The following PCNX2 variants were observed in gnomAD, a reference collection of about 807,000 sequenced individuals.
PCNX2 encodes pecanex-like protein 2.
A neutral mutation model predicts 223.8 loss-of-function variants in PCNX2; 168 were observed. The observed-to-expected ratio is 0.75, with a 90% CI of 0.66 to 0.85. The LOEUF is 0.85. Among genes scored for constraint, PCNX2 ranks in the 40% least tolerant of loss-of-function variants. The probability of loss-of-function intolerance (pLI) is 0.00; values close to 1 mark genes in which losing one functional copy is unlikely to be tolerated. For missense variants in PCNX2, 2,507 were observed against 2,675.5 expected, an observed-to-expected ratio of 0.94 and a Z score of 1.39; for synonymous variants, 1,006 against 1,052.6, an observed-to-expected ratio of 0.96 and a Z score of 0.86.
chr1:233,313,891 G>A, the PCNX2 span, among the ~76,000 whole-genome samples: 1 of 152,218 alleles, frequency 6.6e-6, no homozygotes, highest in Non-Finnish European at 1.5e-5. Context: ...TTGCTGTGTT[G>A]AGAAAGGTGC....
chr1:233,139,360 A>G lies in PCNX2; in HGVS notation c.3659+354T>C, dbSNP rs996525351. 4.6e-5 allele frequency among the ~76,000 whole-genome samples: 7 copies of G among 152,208 alleles called. No homozygotes were observed. The highest frequency in any genetic ancestry group is 1.4e-4 in the African/African-American group (6 of 41,452). On this transcript the variant is annotated intron_variant, in intron 20 of 33. Transcript: ENST00000258229. This position sits in a 1 kb window ranked among gnomAD's most constrained non-coding sequence, Gnocchi z 4.4. The stretch of plus-strand genomic sequence containing the variant: ...TTTGCTAAATGAAATGACATGAAGC[A>G]GTTCATAAAGCTCTAAGCATGATGT...
At chr1:233,115,885 CA>C (rs1675378737) in intron 21 of PCNX2, among the ~76,000 whole-genome samples, 1 of 150,542 alleles carries the variant, frequency 6.6e-6, no homozygotes, top group Non-Finnish European at 1.5e-5. Flanking sequence ...GAATAACAAC[CA>C]TAACTCAACT....
intron 9 of PCNX2, among the ~76,000 whole-genome samples, chr1:233,231,861 C>G (rs1658082263): frequency 6.6e-6 from 1 of 152,200 alleles, no homozygotes; most frequent in African/African-American, 2.4e-5. Flanking sequence ...GGAAGGAACA[C>G]TGGGTCAGGG....
At chr1:233,163,248 G>A (rs1213502626) in intron 17 of PCNX2, among the ~76,000 whole-genome samples, 1 of 152,178 alleles carries the variant, frequency 6.6e-6, no homozygotes, top group East Asian at 1.9e-4. Flanking sequence ...CACTTTAGGA[G>A]GCCAAGACAG....
chr1:233,046,963 C>T (rs1359767999), intron 25 of PCNX2, among the ~76,000 whole-genome samples: 1 of 152,188 alleles, frequency 6.6e-6, no homozygotes, highest in Non-Finnish European at 1.5e-5. Flanking sequence ...GGAAGCTGGG[C>T]TGTAAGAATC....
chr1:233,326,487 C>T, the PCNX2 span, among the ~76,000 whole-genome samples: 45 of 152,228 alleles, frequency 3.0e-4, no homozygotes, highest in African/African-American at 1.0e-3. Flanking sequence ...TTCCTAAAAA[C>T]CCTATAAAGT....
chr1:233,048,582 T>G (rs1303688025), intron 25 of PCNX2, among the ~76,000 whole-genome samples: 2 of 152,154 alleles, frequency 1.3e-5, no homozygotes, highest in Non-Finnish European at 2.9e-5. Flanking sequence ...AATTTAATGA[T>G]GTAACATCAC....
chr1:233,173,243 T>C lies in PCNX2; in HGVS notation c.3273+4559A>G, dbSNP rs141119420. ...CTGGAATGCAGTGGCGCGATCTCGCTGCAACCTCCACCTCCCGGGTTCAAG... is the reference window on the plus strand; with the variant it reads ...CTGGAATGCAGTGGCGCGATCTCGCCGCAACCTCCACCTCCCGGGTTCAAG... On this transcript the variant is annotated intron_variant, in intron 17 of 33. Coordinates refer to ENST00000258229, the MANE Select transcript of PCNX2 (RefSeq NM_014801.4). Among the ~76,000 whole-genome samples, 667 of 152,134 alleles carry C rather than the reference T, an allele frequency of 4.4e-3. 5 individuals carry two copies. The highest frequency in any genetic ancestry group is 0.016 in the African/African-American group (646 of 41,502).
intron 13 of PCNX2, among the ~76,000 whole-genome samples, chr1:233,200,765 T>A (rs1681039304): frequency 6.6e-6 from 1 of 151,792 alleles, no homozygotes; most frequent in Admixed American, 6.6e-5. Flanking sequence ...CTCACACCTG[T>A]AATTCCAGCA....
chr1:233,075,699 A>T (rs1377413058), intron 23 of PCNX2, among the ~76,000 whole-genome samples: 3 of 107,534 alleles, frequency 2.8e-5, no homozygotes, highest in Non-Finnish European at 6.0e-5. Flanking sequence ...AGCTTAAAAC[A>T]CACACACACA....
the PCNX2 span, among the ~76,000 whole-genome samples, chr1:233,305,992 T>C: frequency 6.6e-6 from 1 of 152,198 alleles, no homozygotes; most frequent in African/African-American, 2.4e-5. Flanking sequence ...AAAAACATGA[T>C]CAAATGCTAG....
At chr1:233,217,768 T>A in intron 12 of PCNX2, 131 bp downstream of exon 12, 10 of 862,868 alleles carry the variant, frequency 1.2e-5, no homozygotes, top group East Asian at 5.7e-5. Context: ...ATATATATAT[T>A]TGATATTTCT....
intron 2 of PCNX2, among the ~76,000 whole-genome samples, chr1:233,262,550 T>G (rs890217121): frequency 4.6e-5 from 7 of 152,230 alleles, no homozygotes; most frequent in African/African-American, 1.7e-4. Context: ...AAAAGAATGC[T>G]AACTCAAGAA....
chr1:233,059,087 T>C (rs1292436082), intron 23 of PCNX2, among the ~76,000 whole-genome samples: 1 of 152,196 alleles, frequency 6.6e-6, no homozygotes, highest in Non-Finnish European at 1.5e-5. Context: ...TCCAGTATCC[T>C]TTGCAAATGT....
chr1:233,164,487 C>T (rs114268114), intron 17 of PCNX2, among the ~76,000 whole-genome samples: 1,537 of 152,078 alleles, frequency 0.01, 25 homozygotes, highest in African/African-American at 0.035. Context: ...TATCTGCACT[C>T]CCAGGCTTAA....
chr1:233,142,489 T>C (rs531201288), intron 19 of PCNX2, among the ~76,000 whole-genome samples: 27 of 152,320 alleles, frequency 1.8e-4, no homozygotes, highest in African/African-American at 6.0e-4. Flanking sequence ...ACTCCCTGCC[T>C]CAACACTAGC....
Position 233,235,960 on chromosome 1 carries a change from AT to A in PCNX2, c.2358+884del, listed in dbSNP as rs58731625. ...TGGCAAAGCAATCATAAAAAAAAAT[AT>A]ATATATATATATATATATATATATA... On this transcript the variant is annotated intron_variant, in intron 9 of 33. Transcript: ENST00000258229. 5.4e-3 allele frequency among the ~76,000 whole-genome samples: 503 copies of A among 92,628 alleles called. 8 individuals are homozygous for A. The highest frequency in any genetic ancestry group is 0.03 in the African/African-American group (462 of 15,622). The allele number at this position is 92,628 out of a possible 152,430, so 60.8% of individuals were successfully genotyped here.
At chr1:233,304,394 TACAG>T in the PCNX2 span, among the ~76,000 whole-genome samples, 2 of 152,190 alleles carry the variant, frequency 1.3e-5, no homozygotes, top group African/African-American at 2.4e-5. Context: ...AGAAGGGAAA[TACAG>T]ACGACAAAAA....
At chr1:233,287,734 T>C (rs1661527017) in intron 1 of PCNX2, among the ~76,000 whole-genome samples, 1 of 152,224 alleles carries the variant, frequency 6.6e-6, no homozygotes. Flanking sequence ...GTGATATGGC[T>C]GAGCAGGTAA....
Sources: allele counts gnomAD v4.1 joint callset (sites outside exome capture counted in the v4.1 genomes callset), GRCh38; gene constraint gnomAD v4.1.1; non-coding constraint Gnocchi (gnomAD v3.1); transcripts MANE v1.5; gene names NCBI Gene and HGNC (gene_info 2026-07-23, HGNC 2026-07-21).